THTPA: variants seen among roughly 807,000 people sequenced by gnomAD.
THTPA encodes thiamine-triphosphatase.
THTPA carries 16 observed loss-of-function variants against 16.5 expected under a neutral mutation model. That is an observed-to-expected ratio of 0.97 (90% confidence interval 0.66 to 1.47). The LOEUF is 1.47. THTPA is among the 40% of genes most tolerant of loss of function. THTPA has a pLI of 0.00. For synonymous variants in THTPA, 110 were observed against 115.5 expected (o/e 0.95, Z 0.30); for missense variants, 281 against 280.9 (o/e 1.00, Z 0.00).
chr14:23,521,520 T>A, the THTPA span: 3 of 156,714 alleles, frequency 1.9e-5, no homozygotes, highest in African/African-American at 7.2e-5. Context: ...TTTTTCAAAA[T>A]TTTTTGGTGT....
chr14:23,530,100 G>A, the THTPA span: 5 of 1,533,256 alleles, frequency 3.3e-6, no homozygotes, highest in Non-Finnish European at 4.4e-6. Flanking sequence ...AGGACTGGGG[G>A]GAAGGGAGGG....
the THTPA span, among the ~76,000 whole-genome samples, chr14:23,549,280 A>G: frequency 6.6e-6 from 1 of 151,798 alleles, no homozygotes; most frequent in Non-Finnish European, 1.5e-5. Context: ...CTCACGTCAT[A>G]CATTTCTCTA....
chr14:23,525,759 G>A, the THTPA span: 9 of 1,506,792 alleles, frequency 6.0e-6, no homozygotes, highest in Non-Finnish European at 8.0e-6. This position sits in a 1 kb window ranked among gnomAD's most constrained non-coding sequence, Gnocchi z 5.9. Flanking sequence ...GGTGGAGGAG[G>A]AGGGGTGGCA....
Position 23,556,622 on chromosome 14 carries a change from C to T in THTPA, c.-136C>T. ...GAGAAAAGGGCAGTAGCCCTAGAGA[C>T]TATTGCGACACAGTGTGCCCCTCAT... On this transcript the variant is annotated 5_prime_UTR_variant, in exon 1 of 2. Coordinates refer to ENST00000288014, the MANE Select transcript of THTPA (RefSeq NM_024328.6). The T allele has an allele frequency of 1.2e-6, 1 of 869,450 alleles. No individual in the cohort carries two copies. The highest frequency in any genetic ancestry group is 1.8e-5 in the South Asian group (1 of 55,884). 53.9% of individuals were successfully genotyped at this position (869,450 alleles called of 1,614,324 possible).
the THTPA span, among the ~76,000 whole-genome samples, chr14:23,540,654 C>T: frequency 1.3e-5 from 2 of 152,230 alleles, no homozygotes; most frequent in African/African-American, 4.8e-5. Flanking sequence ...AATCCTTGCT[C>T]CATCACTCAC....
upstream of THTPA, among the ~76,000 whole-genome samples, chr14:23,552,794 G>A (rs1006238398): frequency 6.6e-6 from 1 of 151,800 alleles, no homozygotes; most frequent in Admixed American, 6.6e-5. Flanking sequence ...AGAGACGGGG[G>A]TTTCACCATC....
chr14:23,535,198 G>A, the THTPA span: 1 of 1,530,148 alleles, frequency 6.5e-7, no homozygotes. The surrounding 1 kb of genome is among the most constrained non-coding windows in gnomAD (Gnocchi z 4.5). Context: ...GGAGGAGGCA[G>A]CAGGGGGATC....
the THTPA span, chr14:23,525,342 G>A: frequency 6.5e-7 from 1 of 1,536,052 alleles, no homozygotes; most frequent in Non-Finnish European, 8.7e-7. The surrounding 1 kb of genome is among the most constrained non-coding windows in gnomAD (Gnocchi z 5.9). Flanking sequence ...GGAGGTTTGG[G>A]AGGCTCTGCA....
the THTPA span, chr14:23,522,784 G>A: frequency 7.2e-6 from 11 of 1,536,452 alleles, no homozygotes; most frequent in East Asian, 9.8e-5. Context: ...CAGTAGGAGG[G>A]CCTGGGACAG....
At chr14:23,521,896 G>A in the THTPA span, 1,117,230 of 1,522,170 alleles carry the variant, frequency 0.73, 411,314 homozygotes, top group South Asian at 0.83. Flanking sequence ...AGCTCCCACC[G>A]AACACCCCTT....
the THTPA span, chr14:23,533,898 G>A: frequency 2.0e-6 from 3 of 1,538,064 alleles, no homozygotes; most frequent in Non-Finnish European, 2.6e-6. This position sits in a 1 kb window ranked among gnomAD's most constrained non-coding sequence, Gnocchi z 4.8. Flanking sequence ...TGCTCTCAGG[G>A]TGCTTCTCTC....
At chr14:23,525,052 A>T in the THTPA span, 1 of 1,536,086 alleles carries the variant, frequency 6.5e-7, no homozygotes, top group Non-Finnish European at 8.7e-7. This position sits in a 1 kb window ranked among gnomAD's most constrained non-coding sequence, Gnocchi z 5.9. Context: ...GACCCAACAG[A>T]CTTGCGAGTC....
rs767679802 is a variant in THTPA at position 23,557,101 on chromosome 14, T to C, written c.344T>C (p.Leu115Pro). Residue 115 changes from leucine to proline, a missense_variant, in exon 1 of 2, where the codon CTG (leucine) becomes CCG (proline). Transcript: ENST00000288014. ...GCTGCTGTGCTGGGCCCACTGGGGC[T>C]GCAGGAAGTAGCTAGTTTTGTGACT... ...DVAAVLGPLG[L>P]QEVASFVTKR... 6.2e-7 allele frequency: 1 copy of C among 1,614,106 alleles called. No homozygotes were observed. The highest frequency in any genetic ancestry group is 8.5e-7 in the Non-Finnish European group (1 of 1,180,056).
chr14:23,521,966 A>G, the THTPA span: 1 of 1,536,102 alleles, frequency 6.5e-7, no homozygotes, highest in Non-Finnish European at 8.7e-7. Context: ...ATCTGTTTAT[A>G]AAGCTAGAAG....
chr14:23,531,528 G>C, the THTPA span: 88 of 1,503,198 alleles, frequency 5.9e-5, no homozygotes, highest in Admixed American at 4.7e-4. Context: ...GCTCTGAAGA[G>C]CTGCGAGTCC....
chr14:23,548,887 G>A, the THTPA span, among the ~76,000 whole-genome samples: 1 of 152,100 alleles, frequency 6.6e-6, no homozygotes, highest in Non-Finnish European at 1.5e-5. Flanking sequence ...CATCAGTCAC[G>A]CTGTGTCCTC....
At chr14:23,530,357 C>T in the THTPA span, 8 of 706,514 alleles carry the variant, frequency 1.1e-5, no homozygotes, top group Admixed American at 2.0e-5. Flanking sequence ...GAAACACCCA[C>T]ACAGAAGATA....
chr14:23,523,513 G>A, the THTPA span: 1 of 1,536,410 alleles, frequency 6.5e-7, no homozygotes, highest in Non-Finnish European at 8.7e-7. The surrounding 1 kb of genome is among the most constrained non-coding windows in gnomAD (Gnocchi z 4.1). Context: ...CAGTGCGCTG[G>A]GCTGCTAAGA....
the THTPA span, chr14:23,531,847 T>C: frequency 3.4e-6 from 4 of 1,191,040 alleles, no homozygotes; most frequent in East Asian, 1.3e-4. Flanking sequence ...GCATGATCTC[T>C]ACTCACTGAA....
Sources: allele counts gnomAD v4.1 joint callset (sites outside exome capture counted in the v4.1 genomes callset), GRCh38; gene constraint gnomAD v4.1.1; non-coding constraint Gnocchi (gnomAD v3.1); transcripts MANE v1.5; gene names NCBI Gene and HGNC (gene_info 2026-07-23, HGNC 2026-07-21).